The following DCC variants were observed in gnomAD, a reference collection of about 807,000 sequenced individuals.
DCC encodes DCC netrin 1 receptor.
Under a neutral mutation model 172.5 loss-of-function variants are expected in DCC, and 58 were observed. That is an observed-to-expected ratio of 0.34 (90% CI 0.27 to 0.42). DCC has a LOEUF of 0.42. DCC is among the 10% of genes least tolerant of loss of function. DCC has a pLI of 1.00. For missense variants in DCC, 1,740 were observed against 1,791.0 expected, an observed-to-expected ratio of 0.97 and a Z score of 0.51; for synonymous variants, 709 against 644.5, an observed-to-expected ratio of 1.10 and a Z score of -1.52.
intron 7 of DCC, among the ~76,000 whole-genome samples, chr18:53,081,584 G>A (rs2144136780): frequency 6.6e-6 from 1 of 151,732 alleles, no homozygotes; most frequent in East Asian, 1.9e-4. Flanking sequence ...CCTTGTTTAA[G>A]AACGTCACAT....
chr18:52,589,182 T>G (rs1467504735), intron 1 of DCC, among the ~76,000 whole-genome samples: 2 of 152,176 alleles, frequency 1.3e-5, no homozygotes, highest in Admixed American at 6.5e-5. Flanking sequence ...GAAGGGCTAT[T>G]AGGATCTGGG....
rs185803595 is a variant in DCC at position 53,402,510 on chromosome 18, C to G, written c.2828-276C>G. Among the ~76,000 whole-genome samples the G allele has an allele frequency of 1.1e-3, 171 of 152,242 alleles. 2 individuals are homozygous for G. Among genetic ancestry groups the G allele is most frequent in the Admixed American group, 5.9e-3 (90 of 15,282 alleles). On this transcript the variant is annotated intron_variant, in intron 18 of 28. Transcript: ENST00000442544. ...TTCTTTTATTTTTAGTGTGAGCCCA[C>G]TTGAAATACCAGTTGTACTTTTCTC...
chr18:53,279,037 A>G (rs1384769681), intron 12 of DCC, among the ~76,000 whole-genome samples: 2 of 152,132 alleles, frequency 1.3e-5, no homozygotes, highest in Non-Finnish European at 2.9e-5. Flanking sequence ...AACAGCGTAA[A>G]AGTGTTCCTA....
In DCC at chr18:53,482,786, G is replaced by A. The variant is rs557889225; in HGVS notation, c.3737-4011G>A. Among the ~76,000 whole-genome samples, 136 of 152,050 alleles carry A rather than the reference G, an allele frequency of 8.9e-4. 1 individual carries two copies. Among genetic ancestry groups the A allele is most frequent in the Middle Eastern group, 6.8e-3 (2 of 294 alleles). ...AGCAATCCACTTTAATGACTGCAGT[G>A]ATCCATTTGATCAGTAAGACAGGTG... On this transcript the variant is annotated intron_variant, in intron 25 of 28. Transcript: ENST00000442544.
At chr18:52,867,476 C>T (rs2039246443) in intron 2 of DCC, among the ~76,000 whole-genome samples, 1 of 149,630 alleles carries the variant, frequency 6.7e-6, no homozygotes, top group African/African-American at 2.4e-5. Flanking sequence ...CTTTTTACCT[C>T]TGGTAGAATT....
intron 5 of DCC, among the ~76,000 whole-genome samples, chr18:53,029,253 T>C (rs2041996463): frequency 1.3e-5 from 2 of 152,144 alleles, no homozygotes; most frequent in South Asian, 4.1e-4. Context: ...AACACAGATA[T>C]ATGGGGGATT....
chr18:53,066,566 A>G (rs898557207), intron 7 of DCC, among the ~76,000 whole-genome samples: 3 of 150,688 alleles, frequency 2.0e-5, no homozygotes, highest in Non-Finnish European at 3.0e-5. Context: ...TTCCATTTAA[A>G]TATAAAATAT....
At chr18:53,121,686 C>T (rs772997801) in intron 7 of DCC, among the ~76,000 whole-genome samples, 28 of 151,904 alleles carry the variant, frequency 1.8e-4, no homozygotes, top group Admixed American at 1.2e-3. Context: ...GTAATACTAA[C>T]GGAGCAGCTA....
rs373013159 is a variant in DCC at position 53,207,730 on chromosome 18, A to G, written c.1774A>G (p.Thr592Ala). ...SYKLEGLKKFTEYSLRFLAYN... is the reference protein window; with the variant it reads ...SYKLEGLKKFAEYSLRFLAYN... ...TAAACTGGAAGGCCTGAAAAAATTCACCGAATATAGTCTTCGATTCTTAGC... is the reference window on the plus strand; with the variant it reads ...TAAACTGGAAGGCCTGAAAAAATTCGCCGAATATAGTCTTCGATTCTTAGC... Residue 592 changes from threonine to alanine, a missense_variant, in exon 11 of 29, where the codon ACC becomes GCC. By Grantham distance (58) the Thr-to-Ala change is moderately conservative. This residue lies in a region of DCC where 1,732 missense variants were observed against 1,767.4 expected (regional missense o/e 0.98). Coordinates refer to ENST00000442544, the MANE Select transcript of DCC (RefSeq NM_005215.4). The G allele has an allele frequency of 7.2e-5, 116 of 1,613,352 alleles. No individual in the cohort carries two copies. Among genetic ancestry groups the G allele is most frequent in the Admixed American group, 1.7e-5 (1 of 59,988 alleles).
intron 12 of DCC, 28 bp downstream of exon 12, chr18:53,215,625 A>G: frequency 1.3e-6 from 2 of 1,575,388 alleles, no homozygotes; most frequent in South Asian, 2.2e-5. Flanking sequence ...TCACTACTCC[A>G]TTACCTATCA....
chr18:53,310,255 A>C (rs1434592455), intron 13 of DCC, among the ~76,000 whole-genome samples: 1 of 152,122 alleles, frequency 6.6e-6, no homozygotes, highest in Non-Finnish European at 1.5e-5. Flanking sequence ...ACTTTGTTGT[A>C]AGCAGAAGTA....
chr18:52,789,632 T>C (rs1226185165), intron 2 of DCC, among the ~76,000 whole-genome samples: 1 of 152,160 alleles, frequency 6.6e-6, no homozygotes, highest in Admixed American at 6.6e-5. Context: ...CTGAGTTAGT[T>C]TGTGACTTAA....
intron 7 of DCC, among the ~76,000 whole-genome samples, chr18:53,115,579 T>C (rs1172589274): frequency 6.6e-6 from 1 of 151,622 alleles, no homozygotes; most frequent in African/African-American, 2.4e-5. Flanking sequence ...ATTCGGCCAG[T>C]AGTTGTAAAA....
chr18:52,372,120 A>G (rs1985146273), intron 1 of DCC, among the ~76,000 whole-genome samples: 2 of 152,360 alleles, frequency 1.3e-5, no homozygotes, highest in Non-Finnish European at 2.9e-5. Flanking sequence ...GGGGTGAACA[A>G]TGCTTTAGTT....
intron 1 of DCC, among the ~76,000 whole-genome samples, chr18:52,602,542 A>G (rs2034038687): frequency 6.6e-6 from 1 of 152,020 alleles, no homozygotes; most frequent in Admixed American, 6.6e-5. Flanking sequence ...ATAACTCATA[A>G]GTTTAATAAA....
chr18:53,005,012 G>A (rs912020971), intron 5 of DCC, among the ~76,000 whole-genome samples: 14 of 152,254 alleles, frequency 9.2e-5, no homozygotes, highest in Admixed American at 9.2e-4. Flanking sequence ...TGTTATAACA[G>A]TGAATTTAGC....
intron 1 of DCC, among the ~76,000 whole-genome samples, chr18:52,699,000 G>A (rs545753916): frequency 6.6e-6 from 1 of 152,124 alleles, no homozygotes; most frequent in East Asian, 1.9e-4. Flanking sequence ...TGTGGTGTTT[G>A]TTATATGTGC....
intron 2 of DCC, among the ~76,000 whole-genome samples, chr18:52,835,919 T>TA (rs1423947787): frequency 6.6e-6 from 1 of 152,228 alleles, no homozygotes; most frequent in Non-Finnish European, 1.5e-5. Context: ...ACTCCATTCT[T>TA]ATGCTGCTAT....
chr18:52,814,923 T>C (rs1347130721), intron 2 of DCC, among the ~76,000 whole-genome samples: 1 of 152,116 alleles, frequency 6.6e-6, no homozygotes, highest in Admixed American at 6.6e-5. Flanking sequence ...CTAAAAAAAA[T>C]GAGGCTATAT....
Sources: gnomAD v4.1 joint callset for allele counts (sites outside exome capture counted in the v4.1 genomes callset) on GRCh38, gnomAD v4.1.1 for gene constraint, gnomAD v4.1.1 regional missense constraint, MANE v1.5 for transcripts, NCBI Gene and HGNC (gene_info 2026-07-23, HGNC 2026-07-21) for gene names.